Variants in PRKG1 observed in about 807,000 individuals in gnomAD.
PRKG1 encodes protein kinase cGMP-dependent 1, also known as cGMP-dependent protein kinase 1.
PRKG1 carries 35 observed loss-of-function variants against 88.1 expected under a neutral mutation model. The ratio of observed to expected loss-of-function variants is 0.40; its 90% CI spans 0.30 to 0.53. PRKG1 has a LOEUF of 0.53. Among genes scored for constraint, PRKG1 ranks in the 20% least tolerant of loss-of-function variants. The probability of loss-of-function intolerance (pLI) is 0.59; values close to 1 mark genes in which losing one functional copy is unlikely to be tolerated. For synonymous variants in PRKG1, 303 were observed against 292.5 expected (o/e 1.04, Z -0.37); for missense variants, 540 against 839.8 (o/e 0.64, Z 4.41).
intron 2 of PRKG1, among the ~76,000 whole-genome samples, chr10:51,303,528 T>A (rs1222145364): frequency 6.6e-6 from 1 of 151,900 alleles, no homozygotes; most frequent in Non-Finnish European, 1.5e-5. Context: ...ACTCAATGAT[T>A]AGCAATTACT....
intron 3 of PRKG1, among the ~76,000 whole-genome samples, chr10:51,546,312 T>A (rs1233410925): frequency 6.6e-6 from 1 of 152,034 alleles, no homozygotes; most frequent in African/African-American, 2.4e-5. Flanking sequence ...TAAGTAGTCG[T>A]CATAGAGGTT....
At chr10:51,481,809 G>A (rs576337719) in intron 3 of PRKG1, among the ~76,000 whole-genome samples, 32 of 151,516 alleles carry the variant, frequency 2.1e-4, no homozygotes, top group African/African-American at 7.8e-4. Context: ...AAGAGTTAAT[G>A]CACTTCATTA....
intron 2 of PRKG1, among the ~76,000 whole-genome samples, chr10:51,368,732 A>G (rs1043672506): frequency 7.2e-5 from 11 of 152,098 alleles, no homozygotes; most frequent in African/African-American, 2.7e-4. Flanking sequence ...CTTCAGGAAG[A>G]AAACAATATG....
intron 3 of PRKG1, among the ~76,000 whole-genome samples, chr10:51,497,757 A>G (rs1840901337): frequency 6.6e-6 from 1 of 152,122 alleles, no homozygotes; most frequent in Non-Finnish European, 1.5e-5. Context: ...TTTGGGACAA[A>G]ATCTAACTCT....
At chr10:51,215,295 T>C (rs1343352014) in intron 2 of PRKG1, among the ~76,000 whole-genome samples, 1 of 152,216 alleles carries the variant, frequency 6.6e-6, no homozygotes, top group Non-Finnish European at 1.5e-5. Context: ...GAGAGCTTTT[T>C]CTTTGATCGT....
intron 7 of PRKG1, among the ~76,000 whole-genome samples, chr10:52,093,702 A>C (rs928435027): frequency 1.3e-5 from 2 of 152,152 alleles, no homozygotes; most frequent in South Asian, 4.1e-4. Context: ...ACCTCTGTTT[A>C]TTACTTCCAT....
chr10:51,071,978 C>G (rs1445235974), upstream of PRKG1, among the ~76,000 whole-genome samples: 2 of 152,256 alleles, frequency 1.3e-5, no homozygotes, highest in Non-Finnish European at 2.9e-5. Flanking sequence ...GCGGGCAGAT[C>G]ACGAGATCAA....
chr10:51,325,479 G>A (rs972419719), intron 2 of PRKG1, among the ~76,000 whole-genome samples: 3 of 152,158 alleles, frequency 2.0e-5, no homozygotes, highest in South Asian at 2.1e-4. Flanking sequence ...GATTACAGGC[G>A]TTAGCCACCG....
intron 6 of PRKG1, among the ~76,000 whole-genome samples, chr10:52,055,423 C>T (rs1472965599): frequency 2.0e-5 from 3 of 152,036 alleles, no homozygotes; most frequent in Non-Finnish European, 4.4e-5. Context: ...ATGGGGTAGA[C>T]AAGGGTTATG....
intron 5 of PRKG1, among the ~76,000 whole-genome samples, chr10:51,929,331 C>T (rs1195370642): frequency 6.7e-6 from 1 of 149,356 alleles, no homozygotes; most frequent in Non-Finnish European, 1.5e-5. Flanking sequence ...GCCTGACCAA[C>T]ATCTGAATTC....
chr10:51,962,864 G>T (rs1225545460), intron 5 of PRKG1, among the ~76,000 whole-genome samples: 1 of 152,144 alleles, frequency 6.6e-6, no homozygotes, highest in Non-Finnish European at 1.5e-5. Flanking sequence ...CAAAATGTTT[G>T]AGGCTACAAG....
chr10:51,042,343 G>A (rs968804146), intron 1 of PRKG1, among the ~76,000 whole-genome samples: 1 of 152,218 alleles, frequency 6.6e-6, no homozygotes, highest in African/African-American at 2.4e-5. Context: ...CAACACTTCT[G>A]ATATTTCCCA....
chr10:51,815,527 C>G (rs1937715), intron 4 of PRKG1, among the ~76,000 whole-genome samples: 1 of 151,800 alleles, frequency 6.6e-6, no homozygotes, highest in East Asian at 1.9e-4. Context: ...ATGAAAAAAT[C>G]CTGCTGAGGT....
intron 3 of PRKG1, among the ~76,000 whole-genome samples, chr10:51,703,068 A>G (rs988533042): frequency 6.6e-6 from 1 of 152,228 alleles, no homozygotes; most frequent in African/African-American, 2.4e-5. Context: ...GAAAATCGGT[A>G]CATTAACTGA....
intron 2 of PRKG1, among the ~76,000 whole-genome samples, chr10:51,220,939 G>A (rs903127013): frequency 1.3e-5 from 2 of 152,050 alleles, no homozygotes; most frequent in Non-Finnish European, 2.9e-5. Context: ...TGTTGGGATT[G>A]TAGTATGTAG....
chr10:51,921,202 C>A (rs1842456091), intron 5 of PRKG1, among the ~76,000 whole-genome samples: 1 of 152,034 alleles, frequency 6.6e-6, no homozygotes, highest in African/African-American at 2.4e-5. Flanking sequence ...TTTTTAATTT[C>A]AAATTTCAAT....
At chr10:51,655,149 C>A (rs1224722636) in intron 3 of PRKG1, among the ~76,000 whole-genome samples, 1 of 152,124 alleles carries the variant, frequency 6.6e-6, no homozygotes, top group African/African-American at 2.4e-5. Flanking sequence ...TCAAGGAGGG[C>A]TTAATTGAAA....
chr10:51,595,934 G>A (rs1434550680), intron 3 of PRKG1, among the ~76,000 whole-genome samples: 2 of 152,098 alleles, frequency 1.3e-5, no homozygotes, highest in African/African-American at 2.4e-5. Context: ...GGATTCAAGC[G>A]ATTCTCCTGC....
At chr10:51,764,517 G>T (rs189885672) in intron 3 of PRKG1, among the ~76,000 whole-genome samples, 13 of 152,240 alleles carry the variant, frequency 8.5e-5, no homozygotes, top group African/African-American at 2.6e-4. Flanking sequence ...AAACTGTCAA[G>T]CTGGCCCAGG....
Sources: allele counts gnomAD v4.1 joint callset (sites outside exome capture counted in the v4.1 genomes callset), GRCh38; gene constraint gnomAD v4.1.1; transcripts MANE v1.5; gene names NCBI Gene and HGNC (gene_info 2026-07-23, HGNC 2026-07-21).